DNAH14: variants seen among roughly 807,000 people sequenced by gnomAD.
The protein encoded by DNAH14 is axonemal beta dynein heavy chain 14.
In DNAH14, 478 loss-of-function variants were observed where a neutral mutation model predicts 520.9. The observed-to-expected ratio is 0.92, with a 90% CI of 0.85 to 0.99. The LOEUF is 0.99. Among genes scored for constraint, DNAH14 ranks in the 50% least tolerant of loss-of-function variants. The pLI, the probability that DNAH14 is intolerant of heterozygous loss-of-function variation, is 0.00. For synonymous variants in DNAH14, 1,581 were observed against 1,757.2 expected (o/e 0.90, Z 2.51); for missense variants, 4,831 against 5,234.5 (o/e 0.92, Z 2.38).
At chr1:225,373,382 T>A (rs2095643582) in intron 77 of DNAH14, among the ~76,000 whole-genome samples, 1 of 151,822 alleles carries the variant, frequency 6.6e-6, no homozygotes, top group South Asian at 2.1e-4. Flanking sequence ...GGAGAATCGC[T>A]TGAACCCGGG....
chr1:224,972,912 C>T (rs927887655), intron 7 of DNAH14, among the ~76,000 whole-genome samples: 4 of 152,160 alleles, frequency 2.6e-5, no homozygotes, highest in Non-Finnish European at 4.4e-5. Context: ...TCAGCATCAT[C>T]GTTTTACCTC....
intron 66 of DNAH14, 49 bp from the exon 67 acceptor site, chr1:225,337,217 A>T: frequency 1.4e-6 from 2 of 1,427,030 alleles, no homozygotes; most frequent in Non-Finnish European, 1.9e-6. Flanking sequence ...GATACTAAAG[A>T]TGTGAAGACA....
At chr1:225,300,777 A>G (rs2094124430) in intron 55 of DNAH14, 92 bp from the exon 56 acceptor site, 3 of 1,299,598 alleles carry the variant, frequency 2.3e-6, no homozygotes, top group Non-Finnish European at 3.1e-6. Context: ...CTCCTTAATC[A>G]CTGTTGCTTT....
At chr1:224,940,261 G>A (rs1300188481) in intron 1 of DNAH14, among the ~76,000 whole-genome samples, 1 of 152,158 alleles carries the variant, frequency 6.6e-6, no homozygotes. Context: ...GTCTCTTTAA[G>A]GGCTGGGCCT....
intron 1 of DNAH14, among the ~76,000 whole-genome samples, chr1:224,948,630 T>C (rs773336048): frequency 6.6e-6 from 1 of 152,082 alleles, no homozygotes; most frequent in Non-Finnish European, 1.5e-5. Flanking sequence ...CTGACTCTTC[T>C]ATTTATCTTT....
intron 42 of DNAH14, among the ~76,000 whole-genome samples, chr1:225,234,293 A>G (rs1169278495): frequency 1.3e-5 from 2 of 152,108 alleles, no homozygotes; most frequent in Non-Finnish European, 2.9e-5. Context: ...GGTTCACACC[A>G]TTCTCCTGCC....
At position 225,270,771 on chromosome 1, in the gene DNAH14, C is replaced by A; in HGVS notation, c.7576C>A (p.Pro2526Thr). ...QDLSIVAACVPVVNDISPRLL... is the reference protein window; with the variant it reads ...QDLSIVAACVTVVNDISPRLL... ...TCTGTCTATAGTTGCAGCTTGTGTTCCAGTTGTGAATGATATCAGCCCACG... is the reference window on the plus strand; with the variant it reads ...TCTGTCTATAGTTGCAGCTTGTGTTACAGTTGTGAATGATATCAGCCCACG... Residue 2526 changes from proline to threonine, a missense_variant, in exon 50 of 86, where the codon CCA becomes ACA. By Grantham distance (38) the Pro-to-Thr change is conservative. Transcript: ENST00000682510. The A allele has an allele frequency of 6.4e-7, 1 of 1,551,234 alleles. No individual in the cohort carries two copies.
rs1478350884 is a variant in DNAH14, at chr1:225,380,264, C to T, written c.12822C>T (p.Ser4274=). 2.6e-6 allele frequency: 4 copies of T among 1,551,548 alleles called. No individual in the cohort carries two copies. In the East Asian group the frequency reaches 9.8e-5, roughly 38 times the overall value. Residue 4274 remains serine (S), a synonymous_variant, in exon 80 of 86, where the codon AGC becomes AGT. Transcript: ENST00000682510. Reference sequence around the variant, plus strand: ...AAGAAATTGCTGTTGGAACTCCAAGCACATTGAAGAGCATGATGTCAAGCT... The same window carrying T: ...AAGAAATTGCTGTTGGAACTCCAAGTACATTGAAGAGCATGATGTCAAGCT... ...EKEEIAVGTP[S]TLKSMMSSSI... is the part of the protein sequence containing the mutation.
At chr1:225,103,916 T>G (rs949574262) in intron 23 of DNAH14, among the ~76,000 whole-genome samples, 3 of 141,366 alleles carry the variant, frequency 2.1e-5, no homozygotes, top group African/African-American at 5.2e-5. Context: ...GGCCAGAACT[T>G]CCAACACTAT....
intron 1 of DNAH14, among the ~76,000 whole-genome samples, chr1:224,944,064 C>T (rs2059620183): frequency 6.6e-6 from 1 of 152,046 alleles, no homozygotes; most frequent in Non-Finnish European, 1.5e-5. Flanking sequence ...AACTTTCTGT[C>T]TTGTTGATGT....
At chr1:225,083,440 T>C (rs1207917865) in intron 20 of DNAH14, among the ~76,000 whole-genome samples, 1 of 152,188 alleles carries the variant, frequency 6.6e-6, no homozygotes, top group Non-Finnish European at 1.5e-5. Context: ...ACTTAGATTA[T>C]TTTATATCGC....
chr1:224,986,318 TAAAAA>T (rs59261709), intron 8 of DNAH14, among the ~76,000 whole-genome samples: 1 of 87,880 alleles, frequency 1.1e-5, no homozygotes, highest in Non-Finnish European at 2.7e-5. Context: ...AAAGGCTTAT[TAAAAA>T]AAAAAAAAAA....
At chr1:225,019,298 TAAAC>T (rs2065466711) in intron 10 of DNAH14, among the ~76,000 whole-genome samples, 1 of 151,978 alleles carries the variant, frequency 6.6e-6, no homozygotes, top group African/African-American at 2.4e-5. Flanking sequence ...AAACAGACCT[TAAAC>T]AAACAATGAT....
chr1:225,143,993 T>G (rs187932015), intron 28 of DNAH14, among the ~76,000 whole-genome samples: 65 of 152,292 alleles, frequency 4.3e-4, no homozygotes, highest in Non-Finnish European at 7.8e-4. Flanking sequence ...ATAGAACAAA[T>G]AGCATTTCTC....
At position 225,152,999 on chromosome 1, in the gene DNAH14, G is replaced by C. The variant is rs2080659000; in HGVS notation, c.5196+116G>C. The C allele has an allele frequency of 9.5e-6, 10 of 1,055,500 alleles. No homozygotes were observed. In the South Asian group the frequency reaches 1.4e-4, roughly 15 times the overall value. The allele number at this position is 1,055,500 out of a possible 1,614,324, so 65.4% of individuals were successfully genotyped here. A position where few individuals can be genotyped will look rare whatever the true frequency, so the allele number is the denominator to read the frequency against. On this transcript the variant is annotated intron_variant, in intron 33 of 85. Coordinates refer to ENST00000682510, the MANE Select transcript of DNAH14 (RefSeq NM_001367479.1). The stretch of plus-strand genomic sequence containing the variant: ...GGGACTGTACCAAATAATGGAGCTA[G>C]AATTCCTATCAAAATAATGGAGCTA...
In DNAH14 at chr1:225,237,717, C is replaced by T. The variant is rs554260468; in HGVS notation, c.6519-2876C>T. 2.0e-5 allele frequency among the ~76,000 whole-genome samples: 3 copies of T among 152,258 alleles called. No homozygotes were observed. In the East Asian group the frequency reaches 5.8e-4, roughly 29 times the overall value. On this transcript the variant is annotated intron_variant, in intron 42 of 85. Coordinates refer to ENST00000682510, the MANE Select transcript of DNAH14 (RefSeq NM_001367479.1). ...TGAAGTATGTTTTCCAACTTGGTTCCATTCTCCCCATCTCTTTCAAGAACC... is the reference window on the plus strand; with the variant it reads ...TGAAGTATGTTTTCCAACTTGGTTCTATTCTCCCCATCTCTTTCAAGAACC...
In DNAH14 at chr1:224,960,236, A is replaced by T; in HGVS notation, c.301A>T (p.Lys101Ter). The change falls in exon 4 of 86, where the codon AAA becomes TAA. Residue 101 changes from lysine to a stop codon, truncating the protein, a stop_gained. Coordinates refer to ENST00000682510, the MANE Select transcript of DNAH14 (RefSeq NM_001367479.1). LOFTEE classifies it high-confidence loss of function. Reference protein sequence around the residue: ...SLKEKGKSRRKKDQTHACPNV... With the variant: ...SLKEKGKSRR ...TAAGGAGAAAGGGAAGTCAAGGAGA[A>T]AAAAGGATCAAACTCATGCTTGTCC... 1 of 1,612,078 alleles carries T rather than the reference A, an allele frequency of 6.2e-7. No homozygotes were observed. The highest frequency in any genetic ancestry group is 8.5e-7 in the Non-Finnish European group (1 of 1,178,972).
chr1:225,326,023 T>C (rs555072690), intron 64 of DNAH14, among the ~76,000 whole-genome samples: 40 of 152,362 alleles, frequency 2.6e-4, no homozygotes, highest in African/African-American at 9.4e-4. Flanking sequence ...AGATATATCA[T>C]TTCTTGCTAA....
chr1:225,307,387 T>C (rs1242722800), intron 58 of DNAH14, 74 bp from the exon 59 acceptor site: 3 of 1,072,230 alleles, frequency 2.8e-6, no homozygotes, highest in Non-Finnish European at 4.0e-6. Flanking sequence ...TGTAATTCTT[T>C]TTATATATTA....
Sources: gnomAD v4.1 joint callset for allele counts (sites outside exome capture counted in the v4.1 genomes callset) on GRCh38, gnomAD v4.1.1 for gene constraint, MANE v1.5 for transcripts, NCBI Gene and HGNC (gene_info 2026-07-23, HGNC 2026-07-21) for gene names.